Variants in CLOCK observed in about 807,000 individuals in gnomAD.
CLOCK encodes circadian locomoter output cycles protein kaput.
In CLOCK, 43 loss-of-function variants were observed where a neutral mutation model predicts 118.4. The observed-to-expected ratio is 0.36, with a 90% CI of 0.28 to 0.47. The LOEUF (loss-of-function observed/expected upper bound fraction) is 0.47, where lower values mean the gene tolerates loss of function less well. Among genes scored for constraint, CLOCK ranks in the 20% least tolerant of loss-of-function variants. The pLI is 1.00. For synonymous variants in CLOCK, 326 were observed against 339.2 expected, an observed-to-expected ratio of 0.96 and a Z score of 0.43; for missense variants, 846 against 999.9, an observed-to-expected ratio of 0.85 and a Z score of 2.08.
intron 13 of CLOCK, among the ~76,000 whole-genome samples, chr4:55,454,251 G>A (rs532725745): frequency 6.6e-6 from 1 of 152,264 alleles, no homozygotes; most frequent in African/African-American, 2.4e-5. Context: ...AAGTAACTGA[G>A]TGCAGTAACT....
chr4:55,537,989 A>T (rs1383958728), intron 1 of CLOCK, among the ~76,000 whole-genome samples: 1 of 152,186 alleles, frequency 6.6e-6, no homozygotes, highest in African/African-American at 2.4e-5. Flanking sequence ...GCAGTCAATT[A>T]AACTAAAAGT....
At chr4:55,449,932 T>G (rs1175003962) in intron 16 of CLOCK, among the ~76,000 whole-genome samples, 159 bp downstream of exon 16, 1 of 152,204 alleles carries the variant, frequency 6.6e-6, no homozygotes, top group Non-Finnish European at 1.5e-5. Context: ...TTGCTGAAAG[T>G]GGGCAATGTC....
intron 2 of CLOCK, among the ~76,000 whole-genome samples, chr4:55,497,453 C>CT (rs1246302819): frequency 6.6e-6 from 1 of 152,174 alleles, no homozygotes; most frequent in Non-Finnish European, 1.5e-5. Context: ...ATGAACCTCT[C>CT]TGAAGGGTCA....
chr4:55,546,286 C>T (rs1032197493), intron 1 of CLOCK, among the ~76,000 whole-genome samples: 1 of 152,212 alleles, frequency 6.6e-6, no homozygotes, highest in Non-Finnish European at 1.5e-5. Flanking sequence ...CACTCCCGCC[C>T]CTGCCCCGCA....
At chr4:55,450,333 T>TAGACAAA in intron 15 of CLOCK, 101 bp from the exon 16 acceptor site, 1 of 1,400,530 alleles carries the variant, frequency 7.1e-7, no homozygotes, top group Non-Finnish European at 1.0e-6. Context: ...TTTTTGTCTA[T>TAGACAAA]AACAAGGCAA....
At position 55,434,492 on chromosome 4, in the gene CLOCK, A is replaced by G. The variant is rs1479482111; in HGVS notation, c.*923T>C. ...ATCAAAACTCCCAGCCACCTAAAATAAAGCAGTGCAAATCCTATTTTCAAA... is the reference window on the plus strand; with the variant it reads ...ATCAAAACTCCCAGCCACCTAAAATGAAGCAGTGCAAATCCTATTTTCAAA... On this transcript the variant is annotated 3_prime_UTR_variant, in exon 23 of 23. Coordinates refer to ENST00000513440, the MANE Select transcript of CLOCK (RefSeq NM_004898.4). 1 of 152,638 alleles carries G rather than the reference A, an allele frequency of 6.6e-6. No individual in the cohort carries two copies. The highest frequency in any genetic ancestry group is 1.5e-5 in the Non-Finnish European group (1 of 68,040). The allele number at this position is 152,638 out of a possible 1,614,324, so 9.5% of individuals were successfully genotyped here. A position where few individuals can be genotyped will look rare whatever the true frequency, so the allele number is the denominator to read the frequency against.
intron 9 of CLOCK, among the ~76,000 whole-genome samples, chr4:55,463,206 T>C (rs1026216795): frequency 6.8e-6 from 1 of 147,390 alleles, no homozygotes; most frequent in Non-Finnish European, 1.5e-5. Flanking sequence ...CCTAGCAAAT[T>C]AGATACATCT....
rs201307854 is a variant in CLOCK at position 55,470,820 on chromosome 4, T to C, written c.349-14A>G. ...ACCATCAAGAGCCTGAAATTAAACA[T>C]AATGATATGTTAAATGAAAAGAAAA... On this transcript the variant is annotated splice_polypyrimidine_tract_variant and intron_variant, in intron 7 of 22. Transcript: ENST00000513440. 3.5e-5 allele frequency: 54 copies of C among 1,555,436 alleles called. No individual in the cohort carries two copies. In the East Asian group the frequency reaches 3.8e-4, roughly 11 times the overall value.
chr4:55,502,504 G>A (rs13124436), intron 2 of CLOCK, among the ~76,000 whole-genome samples: 46,294 of 151,836 alleles, frequency 0.3, 7,659 homozygotes, highest in East Asian at 0.58. Flanking sequence ...ACTTCCACAC[G>A]GAAAATAAAA....
chr4:55,532,034 T>C (rs924847963), intron 1 of CLOCK, among the ~76,000 whole-genome samples: 4 of 152,050 alleles, frequency 2.6e-5, no homozygotes, highest in African/African-American at 9.7e-5. Flanking sequence ...AAAAATCAAT[T>C]AGGGTAATAT....
intron 8 of CLOCK, among the ~76,000 whole-genome samples, chr4:55,468,788 G>C (rs1725913842): frequency 6.6e-6 from 1 of 152,168 alleles, no homozygotes; most frequent in Non-Finnish European, 1.5e-5. Context: ...GAAGAAGAGG[G>C]GTCAGATAAA....
chr4:55,460,457 T>C (rs912821303), intron 9 of CLOCK, among the ~76,000 whole-genome samples: 1 of 152,224 alleles, frequency 6.6e-6, no homozygotes, highest in Admixed American at 6.5e-5. Flanking sequence ...CCTTCGTCTA[T>C]GTATGCTTAT....
intron 15 of CLOCK, among the ~76,000 whole-genome samples, chr4:55,451,601 C>T (rs1724463335): frequency 6.6e-6 from 1 of 152,132 alleles, no homozygotes. Context: ...GGAAAGTAGA[C>T]ATAGCTGGTG....
In CLOCK at chr4:55,445,582, C is replaced by CTTTTTTTTTTTT. The variant is rs56157186; in HGVS notation, c.1540-809_1540-798dup. 4.7e-3 allele frequency among the ~76,000 whole-genome samples: 325 copies of CTTTTTTTTTTTT among 68,584 alleles called. 53 individuals carry two copies. Among genetic ancestry groups the CTTTTTTTTTTTT allele is most frequent in the African/African-American group, 7.1e-3 (132 of 18,610 alleles). 45.0% of individuals were successfully genotyped at this position (68,584 alleles called of 152,430 possible). ...TCTCTGCATCTGCTATTTCTATATTCTTTTTTTTTTTTTTTTTTTTTTTTT... is the reference window on the plus strand; with the variant it reads ...TCTCTGCATCTGCTATTTCTATATTCTTTTTTTTTTTTTTTTTTTTTTTTTTTTTTTTTTTTT... On this transcript the variant is annotated intron_variant, in intron 18 of 22. Transcript: ENST00000513440.
intron 18 of CLOCK, among the ~76,000 whole-genome samples, chr4:55,445,347 T>C (rs1723721840): frequency 1.3e-5 from 2 of 152,118 alleles, no homozygotes; most frequent in Non-Finnish European, 2.9e-5. Flanking sequence ...GCTTTACCAG[T>C]ACCCCAGCTG....
In CLOCK at chr4:55,455,946, A is replaced by T. The variant is rs1724891960; in HGVS notation, c.933T>A (p.Asp311Glu). The T allele has an allele frequency of 2.5e-6, 4 of 1,613,624 alleles. No individual in the cohort carries two copies. The highest frequency in any genetic ancestry group is 3.4e-6 in the Non-Finnish European group (4 of 1,179,816). The change falls in exon 13 of 23, where the codon GAT becomes GAA. Residue 311 changes from aspartate (D) to glutamate (E), a missense_variant. Physicochemically the swap from Asp to Glu is conservative, Grantham distance 45. This residue lies in a region of CLOCK where 66 missense variants were observed against 99.4 expected (regional missense o/e 0.66). Coordinates refer to ENST00000513440, the MANE Select transcript of CLOCK (RefSeq NM_004898.4). ...TTTCTAGGTCATCCACATGATAGTA[A>T]TCATAGCCTGATGTTCCCAGAACTT... ...PFEVLGTSGYDYYHVDDLENL... is the reference protein window; with the variant it reads ...PFEVLGTSGYEYYHVDDLENL...
In CLOCK at chr4:55,479,073, T is replaced by C. The variant is rs146722717; in HGVS notation, c.108-110A>G. On this transcript the variant is annotated intron_variant, in intron 5 of 22. Transcript: ENST00000513440. ...CAGCATGTACTTCTATCAACATAGA[T>C]GGTAACAAATATCTTCCAGGTTACC... 2.0e-4 allele frequency: 177 copies of C among 876,294 alleles called. 1 individual carries two copies. In the African/African-American group the frequency reaches 2.8e-3, roughly 14 times the overall value. The allele number at this position is 876,294 out of a possible 1,614,324, so 54.3% of individuals were successfully genotyped here.
intron 1 of CLOCK, among the ~76,000 whole-genome samples, chr4:55,538,488 T>C (rs923294383): frequency 9.9e-5 from 15 of 152,130 alleles, no homozygotes; most frequent in African/African-American, 2.9e-4. Context: ...AAAGAGAAGA[T>C]AGTTTTGGCA....
intron 18 of CLOCK, among the ~76,000 whole-genome samples, chr4:55,447,580 C>G (rs973040259): frequency 1.3e-5 from 2 of 152,026 alleles, no homozygotes; most frequent in African/African-American, 4.8e-5. Context: ...TATTGGTGAA[C>G]AAAATGTGAG....
Sources: gnomAD v4.1 joint callset for allele counts (sites outside exome capture counted in the v4.1 genomes callset) on GRCh38, gnomAD v4.1.1 for gene constraint, gnomAD v4.1.1 regional missense constraint, MANE v1.5 for transcripts, NCBI Gene and HGNC (gene_info 2026-07-23, HGNC 2026-07-21) for gene names.